CAMTA1: variants seen among roughly 807,000 people sequenced by gnomAD.
CAMTA1 encodes the protein calmodulin-binding transcription activator 1.
In CAMTA1, 27 loss-of-function variants were observed where a neutral mutation model predicts 170.9. The observed-to-expected ratio is 0.16, with a 90% CI of 0.12 to 0.22. The LOEUF is 0.22. CAMTA1 is among the 10% of genes least tolerant of loss of function. The pLI is 1.00. For synonymous variants in CAMTA1, 833 were observed against 891.5 expected (o/e 0.93, Z 1.17); for missense variants, 1,619 against 2,217.2 (o/e 0.73, Z 5.42).
At chr1:7,513,268 TC>T (rs1407014049) in intron 6 of CAMTA1, among the ~76,000 whole-genome samples, 1 of 152,044 alleles carries the variant, frequency 6.6e-6, no homozygotes, top group African/African-American at 2.4e-5. Flanking sequence ...AAGAGAAACT[TC>T]CAGGCTGACT....
At chr1:6,960,566 C>G (rs1219685776) in intron 3 of CAMTA1, among the ~76,000 whole-genome samples, 1 of 152,168 alleles carries the variant, frequency 6.6e-6, no homozygotes, top group Non-Finnish European at 1.5e-5. Context: ...CCCCCACCGC[C>G]TGAAGCAAAA....
At chr1:6,812,573 C>T (rs114497993) in intron 1 of CAMTA1, among the ~76,000 whole-genome samples, 3,590 of 152,046 alleles carry the variant, frequency 0.024, 50 homozygotes, top group South Asian at 0.032. Flanking sequence ...TGAATGTATT[C>T]TAGTTGAATC....
At chr1:6,920,523 T>G (rs1030933921) in intron 3 of CAMTA1, among the ~76,000 whole-genome samples, 2 of 152,220 alleles carry the variant, frequency 1.3e-5, no homozygotes, top group Non-Finnish European at 2.9e-5. Context: ...TTCTCACAGC[T>G]CTACTAGGCA....
intron 12 of CAMTA1, among the ~76,000 whole-genome samples, chr1:7,734,331 C>T (rs2096755277): frequency 6.6e-6 from 1 of 152,132 alleles, no homozygotes; most frequent in Non-Finnish European, 1.5e-5. Context: ...AATACTTTTC[C>T]TTTCACCAAC....
At chr1:7,043,466 G>A (rs1704816452) in intron 3 of CAMTA1, among the ~76,000 whole-genome samples, 1 of 152,220 alleles carries the variant, frequency 6.6e-6, no homozygotes, top group Admixed American at 6.5e-5. Flanking sequence ...GATGGTGCAT[G>A]ATGTCGGGTG....
At chr1:7,059,221 T>G (rs1309225443) in intron 3 of CAMTA1, among the ~76,000 whole-genome samples, 4 of 152,212 alleles carry the variant, frequency 2.6e-5, no homozygotes, top group Non-Finnish European at 5.9e-5. Flanking sequence ...TCCTGCTTCC[T>G]TACTGACCTC....
In CAMTA1 at chr1:7,663,387, C is replaced by T. The variant is rs904956006; in HGVS notation, c.840C>T (p.Ser280=). The T allele has an allele frequency of 1.4e-5, 22 of 1,536,554 alleles. No homozygotes were observed. The highest frequency in any genetic ancestry group is 2.0e-5 in the Admixed American group (1 of 50,222). ...GCAGCGTGCATCACAAGTGTAACAG[C>T]GCCAAACACCGCATCATCTCGCCCA... ...AGGSVHHKCN[S]AKHRIISPKV... Residue 280 remains serine, a synonymous_variant, in exon 9 of 23, where the codon AGC becomes AGT. Coordinates refer to ENST00000303635, the MANE Select transcript of CAMTA1 (RefSeq NM_015215.4).
In CAMTA1 at chr1:7,215,167, T is replaced by TTA. The variant is rs1553275137; in HGVS notation, c.303-34324_303-34323insTA. ...TTTAGCTTGTGATTATCCTATTTTT[T>TTA]AAAAAAAAGACCCGAAATTTTGGTT... On this transcript the variant is annotated intron_variant, in intron 4 of 22. Coordinates refer to ENST00000303635, the MANE Select transcript of CAMTA1 (RefSeq NM_015215.4). Among the ~76,000 whole-genome samples the TTA allele has an allele frequency of 1.9e-4, 29 of 151,736 alleles. 1 individual carries two copies. Among genetic ancestry groups the TTA allele is most frequent in the Admixed American group, 1.8e-3 (27 of 15,210 alleles).
At chr1:6,854,498 C>G (rs1473004718) in intron 3 of CAMTA1, among the ~76,000 whole-genome samples, 1 of 151,986 alleles carries the variant, frequency 6.6e-6, no homozygotes, top group Non-Finnish European at 1.5e-5. Context: ...TGTTAAGCAA[C>G]AAAAGACTGT....
intron 5 of CAMTA1, among the ~76,000 whole-genome samples, chr1:7,384,047 C>T (rs1460532695): frequency 6.6e-6 from 1 of 152,168 alleles, no homozygotes; most frequent in Non-Finnish European, 1.5e-5. Flanking sequence ...GACTGGGCTG[C>T]CACGCCCTGC....
intron 1 of CAMTA1, among the ~76,000 whole-genome samples, chr1:6,805,331 CA>C (rs780505616): frequency 3.0e-4 from 45 of 152,182 alleles, no homozygotes; most frequent in Non-Finnish European, 5.7e-4. Context: ...TCTGCTTTGA[CA>C]AATGTCTATT....
At chr1:6,966,459 C>T (rs1340024560) in intron 3 of CAMTA1, among the ~76,000 whole-genome samples, 1 of 152,172 alleles carries the variant, frequency 6.6e-6, no homozygotes, top group Non-Finnish European at 1.5e-5. Flanking sequence ...TTGTCTCTGG[C>T]TTCTTTCCCC....
chr1:7,576,992 T>C (rs1034576142), intron 6 of CAMTA1, among the ~76,000 whole-genome samples: 1 of 152,222 alleles, frequency 6.6e-6, no homozygotes, highest in Non-Finnish European at 1.5e-5. Context: ...ACTCAATAGA[T>C]GCCAGCTAAT....
chr1:7,447,136 C>T (rs993741957), intron 5 of CAMTA1, among the ~76,000 whole-genome samples: 3 of 152,102 alleles, frequency 2.0e-5, no homozygotes, highest in Admixed American at 2.0e-4. Context: ...CCTGAAATGC[C>T]CAGACACTTC....
At chr1:7,376,999 A>G (rs111411143) in intron 5 of CAMTA1, among the ~76,000 whole-genome samples, 1 of 152,140 alleles carries the variant, frequency 6.6e-6, no homozygotes, top group Non-Finnish European at 1.5e-5. Flanking sequence ...GTCCATTCTG[A>G]AAAGTGCTCT....
chr1:7,158,501 A>G, intron 4 of CAMTA1, among the ~76,000 whole-genome samples: 1 of 152,210 alleles, frequency 6.6e-6, no homozygotes. Flanking sequence ...TTCACTCTGT[A>G]AAATTTACTT....
intron 6 of CAMTA1, among the ~76,000 whole-genome samples, chr1:7,502,463 G>T (rs2094022096): frequency 6.6e-6 from 1 of 152,238 alleles, no homozygotes; most frequent in Admixed American, 6.5e-5. Flanking sequence ...CGAATTCCAA[G>T]TGTTTGTTTG....
rs187591394 is a variant in CAMTA1, at chr1:6,813,226, A to C, written c.46-6955A>C. Among the ~76,000 whole-genome samples, 248 of 152,326 alleles carry C rather than the reference A, an allele frequency of 1.6e-3. 1 individual carries two copies. The highest frequency in any genetic ancestry group is 3.1e-3 in the Non-Finnish European group (213 of 68,024). The stretch of plus-strand genomic sequence containing the variant: ...CTTTTGTGGTTCAGAAAAAGAATAA[A>C]GTTACTTGGGCTTGGGGTACATGTT... On this transcript the variant is annotated intron_variant, in intron 1 of 22. Coordinates refer to ENST00000303635, the MANE Select transcript of CAMTA1 (RefSeq NM_015215.4).
chr1:6,798,039 C>G lies in CAMTA1; in HGVS notation c.45+12464C>G, dbSNP rs1291707456. ...GAGACAAAGTCTTGCTCTTGTCCCC[C>G]AGGCTGCAGTGCGATGGCGCGATCT... On this transcript the variant is annotated intron_variant, in intron 1 of 22. Transcript: ENST00000303635. Among the ~76,000 whole-genome samples, 3 of 150,908 alleles carry G rather than the reference C, an allele frequency of 2.0e-5. No homozygotes were observed. The East Asian group carries it at 5.8e-4, about 29-fold the overall frequency.
Sources: allele counts gnomAD v4.1 joint callset (sites outside exome capture counted in the v4.1 genomes callset), GRCh38; gene constraint gnomAD v4.1.1; transcripts MANE v1.5; gene names NCBI Gene and HGNC (gene_info 2026-07-23, HGNC 2026-07-21).